Variants in TMEM150B observed in about 807,000 individuals in gnomAD.
TMEM150B encodes transmembrane protein 150B.
TMEM150B carries 33 observed loss-of-function variants against 25.2 expected under a neutral mutation model. The observed-to-expected ratio is 1.31, with a 90% CI of 0.99 to 1.75. The LOEUF (loss-of-function observed/expected upper bound fraction) is 1.75, where lower values mean the gene tolerates loss of function less well. Among genes scored for constraint, TMEM150B ranks in the 40% most tolerant of loss-of-function variants. TMEM150B has a pLI of 0.00. For synonymous variants in TMEM150B, 133 were observed against 134.8 expected, an observed-to-expected ratio of 0.99 and a Z score of 0.09; for missense variants, 322 against 306.1, an observed-to-expected ratio of 1.05 and a Z score of -0.39.
chr19:55,319,892 G>A (rs2089144730), intron 6 of TMEM150B, 147 bp downstream of exon 6: 2 of 1,459,308 alleles, frequency 1.4e-6, no homozygotes, highest in Non-Finnish European at 1.8e-6. Context: ...GCCGGTCCAA[G>A]GCCACTGGCC....
At chr19:55,310,052 C>T (rs1158355511), downstream of TMEM150B, among the ~76,000 whole-genome samples, 3 of 152,314 alleles carry the variant, frequency 2.0e-5, no homozygotes, top group East Asian at 5.8e-4. This position sits in a 1 kb window ranked among gnomAD's most constrained non-coding sequence, Gnocchi z 5.0. Context: ...CTCTGAGTCC[C>T]AGGGTCAGGT....
At chr19:55,314,141 C>T (rs2088912759) in intron 7 of TMEM150B, among the ~76,000 whole-genome samples, 1 of 152,214 alleles carries the variant, frequency 6.6e-6, no homozygotes, top group Non-Finnish European at 1.5e-5. Context: ...TGTGCCTCAG[C>T]CTCCTGAGCA....
At chr19:55,312,133 TC>T, downstream of TMEM150B, 1 of 695,718 alleles carries the variant, frequency 1.4e-6, no homozygotes, top group East Asian at 3.2e-5. Flanking sequence ...CAACTGTGAA[TC>T]TGTAAATAAG....
downstream of TMEM150B, among the ~76,000 whole-genome samples, chr19:55,309,935 A>G (rs1173982128): frequency 6.6e-6 from 1 of 152,194 alleles, no homozygotes; most frequent in Non-Finnish European, 1.5e-5. Flanking sequence ...AGGCAGCATC[A>G]GCCTCACAGG....
chr19:55,323,513 T>A (rs2089258126), intron 1 of TMEM150B, among the ~76,000 whole-genome samples: 1 of 152,012 alleles, frequency 6.6e-6, no homozygotes, highest in South Asian at 2.1e-4. Context: ...CTTTCTTTTT[T>A]TTTTTTTGAG....
At chr19:55,312,403 C>T (rs1568992948), downstream of TMEM150B, 1 of 195,740 alleles carries the variant, frequency 5.1e-6, no homozygotes, top group Non-Finnish European at 1.0e-5. Flanking sequence ...GTGTCGTCCC[C>T]AACCCCCTCT....
At chr19:55,318,936 T>C (rs1436961388) in intron 6 of TMEM150B, among the ~76,000 whole-genome samples, 1 of 151,870 alleles carries the variant, frequency 6.6e-6, no homozygotes, top group Non-Finnish European at 1.5e-5. Flanking sequence ...GCCTCCTGCA[T>C]AGCTGGGACT....
chr19:55,317,086 G>T, intron 6 of TMEM150B, 120 bp from the exon 7 acceptor site: 2 of 845,260 alleles, frequency 2.4e-6, no homozygotes, highest in Non-Finnish European at 3.6e-6. Context: ...CATACCCAGT[G>T]ATGGGCTTAT....
Position 55,316,928 on chromosome 19 carries a change from G to C in TMEM150B, c.363C>G (p.Phe121Leu). The change falls in exon 7 of 8, where the codon TTC (phenylalanine) becomes TTG (leucine). Residue 121 changes from phenylalanine to leucine, a missense_variant. By Grantham distance (22) the Phe-to-Leu change is conservative. Coordinates refer to ENST00000326652, the MANE Select transcript of TMEM150B (RefSeq NM_001282011.2). The stretch of plus-strand genomic sequence containing the variant: ...AGACGTTACCCAAGATGAAGGCAAG[G>C]AAGGCCCCTGCCAAGTGCGTAGGCC... ...NQRPTHLAGA[F>L]LAFILGNVYF... is the part of the protein sequence containing the mutation. The C allele has an allele frequency of 6.2e-7, 1 of 1,606,772 alleles. No homozygotes were observed. The highest frequency in any genetic ancestry group is 1.3e-5 in the African/African-American group (1 of 74,576).
At chr19:55,316,658 C>T in intron 7 of TMEM150B, 128 bp downstream of exon 7, 1 of 1,043,564 alleles carries the variant, frequency 9.6e-7, no homozygotes. Flanking sequence ...ATGACAAAGC[C>T]ATAATCCTGT....
intron 1 of TMEM150B, among the ~76,000 whole-genome samples, chr19:55,323,145 G>A (rs80306421): frequency 2.3e-3 from 355 of 152,218 alleles, no homozygotes; most frequent in African/African-American, 7.8e-3. Flanking sequence ...TAAAGTGTAC[G>A]ACTCGGCCAG....
chr19:55,312,517 C>G (rs1220548257), downstream of TMEM150B: 2 of 142,014 alleles, frequency 1.4e-5, no homozygotes, highest in Non-Finnish European at 2.4e-5. Flanking sequence ...GTCCGTGTCT[C>G]TGATTCCGCC....
chr19:55,312,016 G>T, downstream of TMEM150B: 1 of 1,515,418 alleles, frequency 6.6e-7, no homozygotes, highest in Non-Finnish European at 8.8e-7. Flanking sequence ...CCCCGCCGAG[G>T]CCCCCCCAAG....
At chr19:55,321,408 G>C (rs1476305686) in intron 2 of TMEM150B, among the ~76,000 whole-genome samples, 3 of 152,006 alleles carry the variant, frequency 2.0e-5, no homozygotes, top group African/African-American at 7.2e-5. Flanking sequence ...CCTGGGACTG[G>C]GGCTGGGTGA....
intron 7 of TMEM150B, among the ~76,000 whole-genome samples, chr19:55,316,476 A>C (rs1568998693): frequency 6.6e-6 from 1 of 152,116 alleles, no homozygotes; most frequent in East Asian, 1.9e-4. Context: ...CCGTATGCCT[A>C]TTATCCTATC....
Position 55,320,547 on chromosome 19 carries a change from G to A in TMEM150B, c.128+11C>T, listed in dbSNP as rs2089172891. 3.7e-6 allele frequency: 6 copies of A among 1,613,864 alleles called. No homozygotes were observed. The Admixed American group carries it at 1.0e-4, about 27-fold the overall frequency. On this transcript the variant is annotated intron_variant, in intron 4 of 7. Coordinates refer to ENST00000326652, the MANE Select transcript of TMEM150B (RefSeq NM_001282011.2). ...CGATCCCCCCAAATCCCTACCCTCGGGCAGAATTACCTGATGTAGGGAAAG... is the reference window on the plus strand; with the variant it reads ...CGATCCCCCCAAATCCCTACCCTCGAGCAGAATTACCTGATGTAGGGAAAG...
chr19:55,321,379 G>A (rs567626709), intron 2 of TMEM150B, among the ~76,000 whole-genome samples: 1 of 152,028 alleles, frequency 6.6e-6, no homozygotes, highest in South Asian at 2.1e-4. Context: ...ACCTCTCCAA[G>A]ATCCCTGGGG....
intron 7 of TMEM150B, among the ~76,000 whole-genome samples, chr19:55,315,159 CA>C (rs2088953989): frequency 6.6e-6 from 1 of 151,058 alleles, no homozygotes; most frequent in South Asian, 2.1e-4. Context: ...CTACTAAAAA[CA>C]CAAAAATTAG....
Position 55,320,430 on chromosome 19 carries a change from A to C in TMEM150B, c.157T>G (p.Cys53Gly), listed in dbSNP as rs760319443. ...SICGSFPPQS[C>G]IFSQVLNMGA... ...ATATTGAGCACCTGGCTGAAGATGC[A>C]GCTCTGAGGGGGGAAGGATCCGCAG... The change falls in exon 5 of 8, where the codon TGC becomes GGC. Residue 53 changes from cysteine (C) to glycine (G), a missense_variant. Coordinates refer to ENST00000326652, the MANE Select transcript of TMEM150B (RefSeq NM_001282011.2). The C allele has an allele frequency of 3.2e-5, 51 of 1,581,572 alleles. 1 individual carries two copies. In the South Asian group the frequency reaches 5.8e-4, roughly 18 times the overall value.
Sources: allele counts gnomAD v4.1 joint callset (sites outside exome capture counted in the v4.1 genomes callset), GRCh38; gene constraint gnomAD v4.1.1; non-coding constraint Gnocchi (gnomAD v3.1); transcripts MANE v1.5; gene names NCBI Gene and HGNC (gene_info 2026-07-23, HGNC 2026-07-21).